Variants in KMT5B observed in about 807,000 individuals in gnomAD.
The protein encoded by KMT5B is lysine methyltransferase 5B.
Under a neutral mutation model 83.2 loss-of-function variants are expected in KMT5B, and 10 were observed. That is an observed-to-expected ratio of 0.12 (90% CI 0.07 to 0.20). The LOEUF (loss-of-function observed/expected upper bound fraction) is 0.20, where lower values mean the gene tolerates loss of function less well. KMT5B is among the 10% of genes least tolerant of loss of function. KMT5B has a pLI of 1.00. For synonymous variants in KMT5B, 349 were observed against 388.8 expected (o/e 0.90, Z 1.20); for missense variants, 753 against 1,067.2 (o/e 0.71, Z 4.10).
At chr11:68,195,358 GAAGCT>G (rs1858579050) in intron 1 of KMT5B, among the ~76,000 whole-genome samples, 1 of 152,160 alleles carries the variant, frequency 6.6e-6, no homozygotes, top group Admixed American at 6.6e-5. Context: ...TCCAGAAAGT[GAAGCT>G]GATCATATTT....
chr11:68,189,883 A>C (rs990446954), intron 2 of KMT5B, 34 bp downstream of exon 2: 1 of 1,589,820 alleles, frequency 6.3e-7, no homozygotes, highest in Non-Finnish European at 8.6e-7. Flanking sequence ...CCCATATCAC[A>C]ATCAGAACAT....
In KMT5B at chr11:68,157,644, A is replaced by C. The variant is rs866523911; in HGVS notation, c.*44T>G. 7 of 1,493,008 alleles carry C rather than the reference A, an allele frequency of 4.7e-6. No homozygotes were observed. The highest frequency in any genetic ancestry group is 2.5e-4 in the Middle Eastern group (1 of 3,992). The allele number at this position is 1,493,008 out of a possible 1,614,324, so 92.5% of individuals were successfully genotyped here. ...GAGGAATAATTGACTGGAATTTTTTATTTCTTTAAAGTAGTTATCCCAGGT... is the reference window on the plus strand; with the variant it reads ...GAGGAATAATTGACTGGAATTTTTTCTTTCTTTAAAGTAGTTATCCCAGGT... On this transcript the variant is annotated 3_prime_UTR_variant, in exon 11 of 11. Coordinates refer to ENST00000304363, the MANE Select transcript of KMT5B (RefSeq NM_017635.5).
At chr11:68,177,914 A>G (rs538004480) in intron 4 of KMT5B, among the ~76,000 whole-genome samples, 2 of 152,188 alleles carry the variant, frequency 1.3e-5, no homozygotes, top group Non-Finnish European at 2.9e-5. Flanking sequence ...AAGAAATCCA[A>G]TGGAAACCAT....
rs575646235 is a variant in KMT5B, at chr11:68,176,667, C to T, written c.378-1484G>A. ...CCACGTAGTGGTACACGCCTGTAGT[C>T]CTAGGTACTCAGGAGGCTGAGGCAG... On this transcript the variant is annotated intron_variant, in intron 4 of 10. Coordinates refer to ENST00000304363, the MANE Select transcript of KMT5B (RefSeq NM_017635.5). 3 of 152,180 alleles carry T rather than the reference C, an allele frequency of 2.0e-5. No homozygotes were observed. The South Asian group carries it at 6.2e-4, about 32-fold the overall frequency. 9.4% of individuals were successfully genotyped at this position (152,180 alleles called of 1,614,324 possible). A position where few individuals can be genotyped will look rare whatever the true frequency, so the allele number is the denominator to read the frequency against.
Position 68,158,521 on chromosome 11 carries a change from T to C in KMT5B, c.1825A>G (p.Met609Val), listed in dbSNP as rs747260401. The C allele has an allele frequency of 3.7e-6, 6 of 1,614,240 alleles. No homozygotes were observed. The South Asian group carries it at 5.5e-5, about 15-fold the overall frequency. Reference protein sequence around the residue: ...EAKCHKSDTGMSKKKSRQGKL... With the variant: ...EAKCHKSDTGVSKKKSRQGKL... ...CCTTGTCGTGACTTCTTTTTGGACA[T>C]GCCTGTGTCACTCTTATGACACTTT... The change falls in exon 11 of 11, where the codon ATG (methionine) becomes GTG (valine). Residue 609 changes from methionine (M) to valine (V), a missense_variant. This residue lies in a region of KMT5B where 397 missense variants were observed against 395.9 expected (regional missense o/e 1.00). Coordinates refer to ENST00000304363, the MANE Select transcript of KMT5B (RefSeq NM_017635.5).
intron 1 of KMT5B, among the ~76,000 whole-genome samples, chr11:68,205,807 A>C (rs1460638418): frequency 1.3e-5 from 2 of 152,148 alleles, no homozygotes; most frequent in Non-Finnish European, 1.5e-5. Flanking sequence ...TTTTTAGTAC[A>C]GACAGGGTTT....
chr11:68,191,822 T>C (rs1320061966), intron 1 of KMT5B, among the ~76,000 whole-genome samples: 1 of 152,182 alleles, frequency 6.6e-6, no homozygotes, highest in Admixed American at 6.6e-5. Flanking sequence ...AAGTCTACAA[T>C]AGTATACATG....
chr11:68,166,712 A>G (rs1855351380), intron 10 of KMT5B: 3 of 1,278,846 alleles, frequency 2.3e-6, no homozygotes, highest in Non-Finnish European at 3.0e-6. Flanking sequence ...TTTAAAACAT[A>G]TGATGACCTT....
chr11:68,170,049 G>A (rs539542989), intron 9 of KMT5B, among the ~76,000 whole-genome samples: 1 of 152,126 alleles, frequency 6.6e-6, no homozygotes, highest in Non-Finnish European at 1.5e-5. Flanking sequence ...GGAAATCCCT[G>A]GCTATCCAGA....
chr11:68,167,250 A>T, intron 9 of KMT5B, 72 bp from the exon 10 acceptor site: 1 of 1,517,256 alleles, frequency 6.6e-7, no homozygotes. Flanking sequence ...TGCTGAGGGT[A>T]CTTGGCTACA....
At chr11:68,184,134 G>A (rs557537921) in intron 3 of KMT5B, among the ~76,000 whole-genome samples, 20 of 152,210 alleles carry the variant, frequency 1.3e-4, no homozygotes, top group African/African-American at 4.1e-4. Flanking sequence ...ACTTTGGGAG[G>A]CTGAGGCAGG....
chr11:68,180,321 C>T, intron 3 of KMT5B, 121 bp from the exon 4 acceptor site: 2 of 1,370,868 alleles, frequency 1.5e-6, no homozygotes, highest in Non-Finnish European at 9.8e-7. Flanking sequence ...CTGTGATAAT[C>T]AAGAACTTTA....
chr11:68,185,640 C>T, intron 3 of KMT5B, 141 bp downstream of exon 3: 1 of 726,078 alleles, frequency 1.4e-6, no homozygotes, highest in Non-Finnish European at 2.1e-6. Context: ...CTTCTCTTGG[C>T]TCACAGACAG....
At chr11:68,201,294 C>T (rs1397770428) in intron 1 of KMT5B, among the ~76,000 whole-genome samples, 2 of 152,120 alleles carry the variant, frequency 1.3e-5, no homozygotes, top group African/African-American at 4.8e-5. Context: ...AACCTATTTA[C>T]TTATAATCAG....
chr11:68,160,729 C>G (rs558255690), intron 10 of KMT5B, among the ~76,000 whole-genome samples: 64 of 152,156 alleles, frequency 4.2e-4, no homozygotes, highest in African/African-American at 1.5e-3. Flanking sequence ...GGCTCTGCAC[C>G]TGAGGTCAGG....
intron 10 of KMT5B, among the ~76,000 whole-genome samples, chr11:68,164,284 C>T (rs1565218941): frequency 6.6e-6 from 1 of 152,188 alleles, no homozygotes; most frequent in Non-Finnish European, 1.5e-5. Context: ...TCAAAGAAAG[C>T]AGTTCCTCTG....
chr11:68,206,912 G>A (rs2153089382), intron 1 of KMT5B, among the ~76,000 whole-genome samples: 1 of 152,286 alleles, frequency 6.6e-6, no homozygotes, highest in African/African-American at 2.4e-5. Context: ...CCAAAGAGAA[G>A]GAATGTAACT....
rs1463043503 is a variant in KMT5B at position 68,157,333 on chromosome 11, A to C, written c.*355T>G. ...TAAATTATTGTTTAGTCATATATTA[A>C]AGAGCCAGCTGATGCTCTTACAGTT... On this transcript the variant is annotated 3_prime_UTR_variant, in exon 11 of 11. Transcript: ENST00000304363. 5.7e-6 allele frequency: 1 copy of C among 174,006 alleles called. No individual in the cohort carries two copies. The highest frequency in any genetic ancestry group is 1.2e-5 in the Non-Finnish European group (1 of 83,036). 10.8% of individuals were successfully genotyped at this position (174,006 alleles called of 1,614,324 possible).
At chr11:68,179,732 G>A (rs1161111235) in intron 4 of KMT5B, 1 of 828,288 alleles carries the variant, frequency 1.2e-6, no homozygotes, top group Non-Finnish European at 1.6e-6. Context: ...AGGCAACATA[G>A]TGAACACATT....
Sources: allele counts gnomAD v4.1 joint callset (sites outside exome capture counted in the v4.1 genomes callset), GRCh38; gene constraint gnomAD v4.1.1; regional missense constraint gnomAD v4.1.1; transcripts MANE v1.5; gene names NCBI Gene and HGNC (gene_info 2026-07-23, HGNC 2026-07-21).